The following DLGAP1 variants were observed in gnomAD, a reference collection of about 807,000 sequenced individuals.
DLGAP1 encodes disks large-associated protein 1.
In DLGAP1, 11 loss-of-function variants were observed where a neutral mutation model predicts 90.8. The observed-to-expected ratio is 0.12, with a 90% confidence interval of 0.08 to 0.20. The LOEUF (loss-of-function observed/expected upper bound fraction) is 0.20. Among genes scored for constraint, DLGAP1 ranks in the 10% least tolerant of loss-of-function variants. The pLI is 1.00. For missense variants in DLGAP1, 1,050 were observed against 1,333.8 expected (o/e 0.79, Z 3.31); for synonymous variants, 558 against 540.7 (o/e 1.03, Z -0.44).
chr18:4,247,436 T>A (rs2078676495), intron 1 of DLGAP1, among the ~76,000 whole-genome samples: 1 of 152,138 alleles, frequency 6.6e-6, no homozygotes, highest in Admixed American at 6.5e-5. Flanking sequence ...AGCTACAATA[T>A]ACTGCCTTAT....
rs1168868493 is a variant in DLGAP1, at chr18:3,775,730, T to C, written c.1173-33218A>G. On this transcript the variant is annotated intron_variant, in intron 5 of 12. Coordinates refer to ENST00000315677, the MANE Select transcript of DLGAP1 (RefSeq NM_004746.4). The surrounding 1 kb of genome is among the most constrained non-coding windows in gnomAD (Gnocchi z 4.9). ...CAGAGGGTGAAGGGGAAGTTTCCCCTTGGCCCCTACAACAGCTCAAAAAAT... is the reference window on the plus strand; with the variant it reads ...CAGAGGGTGAAGGGGAAGTTTCCCCCTGGCCCCTACAACAGCTCAAAAAAT... Among the ~76,000 whole-genome samples the C allele has an allele frequency of 6.6e-6, 1 of 152,174 alleles. No homozygotes were observed.
chr18:4,203,835 T>C (rs2077660281), intron 1 of DLGAP1, among the ~76,000 whole-genome samples: 1 of 152,158 alleles, frequency 6.6e-6, no homozygotes, highest in Non-Finnish European at 1.5e-5. Flanking sequence ...CAGTAATAAA[T>C]GTATATGAAC....
At chr18:3,902,562 G>C (rs968195833) in intron 3 of DLGAP1, among the ~76,000 whole-genome samples, 1 of 151,962 alleles carries the variant, frequency 6.6e-6, no homozygotes, top group African/African-American at 2.4e-5. Context: ...ATCTGGCTTG[G>C]CCTCAAATTT....
chr18:4,030,057 A>T (rs2074769982), intron 2 of DLGAP1, among the ~76,000 whole-genome samples: 1 of 152,144 alleles, frequency 6.6e-6, no homozygotes, highest in South Asian at 2.1e-4. Context: ...CAGTGGCGCG[A>T]TCTCGGCTCA....
At chr18:4,345,755 C>T (rs2081291739) in intron 1 of DLGAP1, among the ~76,000 whole-genome samples, 1 of 152,332 alleles carries the variant, frequency 6.6e-6, no homozygotes, top group East Asian at 1.9e-4. Flanking sequence ...TTTGTGCTAG[C>T]CTACTTTTTC....
chr18:3,898,009 T>A (rs1000144465), intron 3 of DLGAP1, among the ~76,000 whole-genome samples: 4 of 151,984 alleles, frequency 2.6e-5, no homozygotes, highest in Non-Finnish European at 4.4e-5. Context: ...TTAGCCAGGA[T>A]GGTCTCGATC....
chr18:4,043,874 A>C (rs555155331), intron 2 of DLGAP1, among the ~76,000 whole-genome samples: 1 of 152,298 alleles, frequency 6.6e-6, no homozygotes, highest in East Asian at 1.9e-4. Flanking sequence ...AGATGCTATC[A>C]TTTTCTCAAG....
At chr18:3,951,377 G>A (rs1243080333) in intron 3 of DLGAP1, among the ~76,000 whole-genome samples, 1 of 152,208 alleles carries the variant, frequency 6.6e-6, no homozygotes, top group Non-Finnish European at 1.5e-5. Flanking sequence ...ATAGTGTAAA[G>A]GTGTCTCTTG....
chr18:3,651,838 G>T (rs1055782818), intron 7 of DLGAP1, among the ~76,000 whole-genome samples: 4 of 152,054 alleles, frequency 2.6e-5, no homozygotes, highest in African/African-American at 9.7e-5. Flanking sequence ...GGGCGTGGTG[G>T]CGGGCACCTG....
At chr18:3,888,904 T>C (rs917585839) in intron 3 of DLGAP1, among the ~76,000 whole-genome samples, 1 of 152,206 alleles carries the variant, frequency 6.6e-6, no homozygotes, top group Non-Finnish European at 1.5e-5. Context: ...GAATTGTTCT[T>C]ATCTGGATTT....
At chr18:3,567,156 T>C (rs1174880115) in intron 9 of DLGAP1, among the ~76,000 whole-genome samples, 1 of 152,160 alleles carries the variant, frequency 6.6e-6, no homozygotes, top group African/African-American at 2.4e-5. Context: ...ATAAGGTAAG[T>C]TCTCTTCTCA....
intron 3 of DLGAP1, among the ~76,000 whole-genome samples, chr18:3,981,872 C>T (rs2073738411): frequency 6.6e-6 from 1 of 152,138 alleles, no homozygotes; most frequent in Non-Finnish European, 1.5e-5. Context: ...AGTGATTCTT[C>T]CCTCCTCTGA....
chr18:4,323,719 A>G (rs1290308135), intron 1 of DLGAP1, among the ~76,000 whole-genome samples: 1 of 152,172 alleles, frequency 6.6e-6, no homozygotes, highest in South Asian at 2.1e-4. Context: ...TACTTAAAAA[A>G]TCACTCAAAC....
Position 4,265,776 on chromosome 18 carries a change from C to T in DLGAP1, c.-266-114489G>A, listed in dbSNP as rs540145748. 2.6e-3 allele frequency among the ~76,000 whole-genome samples: 400 copies of T among 150,948 alleles called. 4 individuals carry two copies. Among genetic ancestry groups the T allele is most frequent in the African/African-American group, 9.2e-3 (376 of 40,878 alleles). Reference sequence around the variant, plus strand: ...ACTCATGTCTCACTGCAGCCTTGACCTCCCCGGCTCAACTGATCTTCCTGC... The same window carrying T: ...ACTCATGTCTCACTGCAGCCTTGACTTCCCCGGCTCAACTGATCTTCCTGC... On this transcript the variant is annotated intron_variant, in intron 1 of 12. Transcript: ENST00000315677.
intron 3 of DLGAP1, among the ~76,000 whole-genome samples, chr18:3,933,031 T>G (rs2072553647): frequency 6.6e-6 from 1 of 152,184 alleles, no homozygotes; most frequent in Non-Finnish European, 1.5e-5. Flanking sequence ...CATGAAAATC[T>G]CTACAGATTC....
intron 7 of DLGAP1, among the ~76,000 whole-genome samples, chr18:3,716,109 C>A (rs2061752442): frequency 6.6e-6 from 1 of 152,190 alleles, no homozygotes; most frequent in East Asian, 1.9e-4. Context: ...CTCCAATGAT[C>A]CTGCCCAATC....
chr18:3,799,325 A>G (rs528244240), intron 5 of DLGAP1, among the ~76,000 whole-genome samples: 4 of 152,142 alleles, frequency 2.6e-5, no homozygotes, highest in Non-Finnish European at 5.9e-5. Flanking sequence ...CCCTACAGGC[A>G]TGGGTGCTAC....
At position 3,613,556 on chromosome 18, in the gene DLGAP1, C is replaced by G. The variant is rs145982450; in HGVS notation, c.1592-31308G>C. 5.8e-3 allele frequency among the ~76,000 whole-genome samples: 874 copies of G among 151,982 alleles called. 11 individuals carry two copies. Among genetic ancestry groups the G allele is most frequent in the African/African-American group, 0.02 (831 of 41,466 alleles). ...GTCTCCCTGTGTTGCCCAGGCTGGT[C>G]TCGAACTCCTGGGCTCAAGCCATCC... is the stretch of plus-strand genomic sequence containing the variant. On this transcript the variant is annotated intron_variant, in intron 7 of 12. Transcript: ENST00000315677.
At chr18:4,445,117 C>G (rs1368476231) in intron 1 of DLGAP1, among the ~76,000 whole-genome samples, 2 of 152,140 alleles carry the variant, frequency 1.3e-5, no homozygotes, top group African/African-American at 2.4e-5. Context: ...TTCCAAGTTG[C>G]TTATGGGCTA....
Sources: gnomAD v4.1 joint callset for allele counts (sites outside exome capture counted in the v4.1 genomes callset) on GRCh38, gnomAD v4.1.1 for gene constraint, Gnocchi (gnomAD v3.1) non-coding constraint, MANE v1.5 for transcripts, NCBI Gene and HGNC (gene_info 2026-07-23, HGNC 2026-07-21) for gene names.